Variants in CELF2 observed in about 807,000 individuals in gnomAD.
The protein encoded by CELF2 is CUGBP Elav-like family member 2.
In CELF2, 8 loss-of-function variants were observed where a neutral mutation model predicts 62.6. The observed-to-expected ratio is 0.13, with a 90% CI of 0.07 to 0.23. The LOEUF (loss-of-function observed/expected upper bound fraction) is 0.23, where lower values mean the gene tolerates loss of function less well. CELF2 is among the 10% of genes least tolerant of loss of function. CELF2 has a pLI of 1.00. For missense variants in CELF2, 333 were observed against 671.0 expected, an observed-to-expected ratio of 0.50 and a Z score of 5.56; for synonymous variants, 258 against 250.0, an observed-to-expected ratio of 1.03 and a Z score of -0.30.
chr10:10,961,529 G>A (rs996540419), intron 2 of CELF2, among the ~76,000 whole-genome samples: 1 of 151,796 alleles, frequency 6.6e-6, no homozygotes, highest in East Asian at 1.9e-4. Context: ...AGCGGATCAC[G>A]TGAGGTCAAG....
chr10:10,599,833 G>GC, the CELF2 span, among the ~76,000 whole-genome samples: 68 of 150,062 alleles, frequency 4.5e-4, 1 homozygote, highest in African/African-American at 1.5e-3. Flanking sequence ...CTGGGTTCAC[G>GC]CCATTCTCCT....
rs1365851511 is a variant in CELF2, at chr10:11,207,889, G to T, written c.272-9536G>T. On this transcript the variant is annotated intron_variant, in intron 2 of 12. Coordinates refer to ENST00000633077, the MANE Select transcript of CELF2 (RefSeq NM_001326342.2). This position sits in a 1 kb window ranked among gnomAD's most constrained non-coding sequence, Gnocchi z 4.1. Reference sequence around the variant, plus strand: ...CTAGCTATGGAAGTCCCATTTTTAGGTGGGGAAAAAAGGGTTGTGTTAGGT... The same window carrying T: ...CTAGCTATGGAAGTCCCATTTTTAGTTGGGGAAAAAAGGGTTGTGTTAGGT... 6.6e-6 allele frequency among the ~76,000 whole-genome samples: 1 copy of T among 152,238 alleles called. No homozygotes were observed. Among genetic ancestry groups the T allele is most frequent in the Non-Finnish European group, 1.5e-5 (1 of 68,010 alleles).
chr10:10,654,459 A>G, the CELF2 span, among the ~76,000 whole-genome samples: 2 of 114,116 alleles, frequency 1.8e-5, no homozygotes, highest in East Asian at 2.1e-4. Flanking sequence ...CACTGATGCA[A>G]AAATCCTCAA....
chr10:11,131,863 C>T (rs1193918395), intron 1 of CELF2, among the ~76,000 whole-genome samples: 1 of 152,144 alleles, frequency 6.6e-6, no homozygotes, highest in Admixed American at 6.5e-5. Context: ...GACATAAAAG[C>T]CAGAACTCCT....
Position 11,270,447 on chromosome 10 carries a change from A to G in CELF2, c.619-219A>G, listed in dbSNP as rs1442665491. 1.3e-5 allele frequency among the ~76,000 whole-genome samples: 2 copies of G among 152,172 alleles called. No homozygotes were observed. The highest frequency in any genetic ancestry group is 2.9e-5 in the Non-Finnish European group (2 of 68,028). On this transcript the variant is annotated intron_variant, in intron 6 of 12. Transcript: ENST00000633077. This position sits in a 1 kb window ranked among gnomAD's most constrained non-coding sequence, Gnocchi z 5.8. ...TCAGAGCAAGAAAGCAAGTGACTTC[A>G]CCGACCACCAGATCCCCCAAAGAAA...
the CELF2 span, among the ~76,000 whole-genome samples, chr10:10,628,267 G>C: frequency 0.081 from 11,006 of 135,244 alleles, 457 homozygotes; most frequent in African/African-American, 0.12. Flanking sequence ...TCAAAAAAAT[G>C]TTATCAGTAT....
the CELF2 span, among the ~76,000 whole-genome samples, chr10:10,768,561 CTTTCTT>C: frequency 0.018 from 2,650 of 150,358 alleles, 36 homozygotes; most frequent in South Asian, 0.067. Context: ...CTTTTTCTTT[CTTTCTT>C]TTTCTTTTTC....
the CELF2 span, among the ~76,000 whole-genome samples, chr10:10,651,183 C>T: frequency 3.3e-5 from 4 of 121,448 alleles, no homozygotes; most frequent in African/African-American, 1.2e-4. Context: ...AACGGCGCAC[C>T]ACGAGATTAT....
intron 5 of CELF2, among the ~76,000 whole-genome samples, chr10:11,262,705 C>T (rs58468949): frequency 0.049 from 7,406 of 152,150 alleles, 640 homozygotes; most frequent in African/African-American, 0.17. Flanking sequence ...ATATTGATAG[C>T]GTATGTTTAA....
chr10:11,034,651 C>T (rs571050341), intron 1 of CELF2, among the ~76,000 whole-genome samples: 5 of 152,182 alleles, frequency 3.3e-5, no homozygotes, highest in East Asian at 1.9e-4. Context: ...TCAAAACTGG[C>T]GATGTGGCAG....
chr10:11,138,542 G>T (rs2060799676), intron 1 of CELF2, among the ~76,000 whole-genome samples: 1 of 152,172 alleles, frequency 6.6e-6, no homozygotes, highest in African/African-American at 2.4e-5. Flanking sequence ...ACAGGATCGG[G>T]ATACTCTGCT....
chr10:10,910,862 A>G (rs2134359918), intron 1 of CELF2, among the ~76,000 whole-genome samples: 1 of 152,276 alleles, frequency 6.6e-6, no homozygotes, highest in East Asian at 1.9e-4. Flanking sequence ...AGGCTCTGAG[A>G]CTATCTTCAA....
chr10:10,736,155 A>G, the CELF2 span, among the ~76,000 whole-genome samples: 5 of 152,208 alleles, frequency 3.3e-5, no homozygotes, highest in South Asian at 2.1e-4. Context: ...CTGGGCAGCC[A>G]AAACAAGATA....
At chr10:10,473,569 A>G in the CELF2 span, among the ~76,000 whole-genome samples, 2 of 152,030 alleles carry the variant, frequency 1.3e-5, no homozygotes, top group Non-Finnish European at 2.9e-5. Context: ...GGGATTTAAG[A>G]ATGTAAAATT....
chr10:11,263,458 G>C (rs955379469), intron 5 of CELF2, among the ~76,000 whole-genome samples: 1 of 152,064 alleles, frequency 6.6e-6, no homozygotes, highest in Admixed American at 6.6e-5. Context: ...CCCCAGCCTT[G>C]TTTCTCCGGC....
chr10:10,943,303 T>C (rs975505808), intron 2 of CELF2, among the ~76,000 whole-genome samples: 1 of 152,152 alleles, frequency 6.6e-6, no homozygotes, highest in Non-Finnish European at 1.5e-5. Flanking sequence ...AGTATCGCTA[T>C]CAAGTTGCTA....
At chr10:11,128,013 G>A (rs567153812) in intron 1 of CELF2, among the ~76,000 whole-genome samples, 1 of 152,224 alleles carries the variant, frequency 6.6e-6, no homozygotes, top group East Asian at 1.9e-4. Flanking sequence ...TATGGTTTTG[G>A]GTCTTACATT....
chr10:11,254,833 C>T (rs550381029), intron 4 of CELF2, among the ~76,000 whole-genome samples: 1 of 152,022 alleles, frequency 6.6e-6, no homozygotes, highest in Non-Finnish European at 1.5e-5. Flanking sequence ...GTCTCGGAGA[C>T]GAGAGGGAAG....
upstream of CELF2, among the ~76,000 whole-genome samples, chr10:11,015,656 G>C (rs1445240416): frequency 2.0e-5 from 3 of 152,208 alleles, 1 homozygote; most frequent in African/African-American, 4.8e-5. This position sits in a 1 kb window ranked among gnomAD's most constrained non-coding sequence, Gnocchi z 4.8. Flanking sequence ...TTACACAGTA[G>C]TTAAATAAAG....
Sources: gnomAD v4.1 joint callset for allele counts (sites outside exome capture counted in the v4.1 genomes callset) on GRCh38, gnomAD v4.1.1 for gene constraint, Gnocchi (gnomAD v3.1) non-coding constraint, MANE v1.5 for transcripts, NCBI Gene and HGNC (gene_info 2026-07-23, HGNC 2026-07-21) for gene names.